Variants in TSHZ3 observed in about 807,000 individuals in gnomAD.
The protein encoded by TSHZ3 is teashirt zinc finger homeobox 3, also known as teashirt homolog 3.
Under a neutral mutation model 64.5 loss-of-function variants are expected in TSHZ3, and 10 were observed. That is an observed-to-expected ratio of 0.16 (90% CI 0.10 to 0.26). The LOEUF (loss-of-function observed/expected upper bound fraction) is 0.26. Among genes scored for constraint, TSHZ3 ranks in the 10% least tolerant of loss-of-function variants. The pLI, the probability that TSHZ3 is intolerant of heterozygous loss-of-function variation, is 1.00. For synonymous variants in TSHZ3, 608 were observed against 593.1 expected (o/e 1.03, Z -0.36); for missense variants, 1,242 against 1,421.7 (o/e 0.87, Z 2.03).
chr19:31,317,166 T>C (rs1240677400), intron 1 of TSHZ3, among the ~76,000 whole-genome samples: 1 of 152,162 alleles, frequency 6.6e-6, no homozygotes, highest in Non-Finnish European at 1.5e-5. Context: ...TTTTTCTTTT[T>C]ACCAGCCTCC....
intron 1 of TSHZ3, chr19:31,308,634 G>C (rs1441573566): frequency 4.3e-5 from 17 of 398,470 alleles, no homozygotes; most frequent in Non-Finnish European, 8.8e-6. Flanking sequence ...GTACACAGGG[G>C]TAGTGTGAAG....
At chr19:31,305,341 C>T (rs914567357) in intron 1 of TSHZ3, 4 of 150,760 alleles carry the variant, frequency 2.7e-5, no homozygotes, top group Admixed American at 6.6e-5. Flanking sequence ...AGCCGCGTGT[C>T]AGTTTCTTCT....
chr19:31,198,485 G>A (rs938768621), intron 5 of TSHZ3, among the ~76,000 whole-genome samples: 1 of 151,676 alleles, frequency 6.6e-6, no homozygotes, highest in African/African-American at 2.4e-5. Flanking sequence ...ATGGGAAGGA[G>A]GAAATGAAAT....
chr19:31,326,263 T>C (rs1916927599), intron 1 of TSHZ3, among the ~76,000 whole-genome samples: 1 of 152,228 alleles, frequency 6.6e-6, no homozygotes, highest in Non-Finnish European at 1.5e-5. Flanking sequence ...CTGGTATCGG[T>C]GCTTGCCCCT....
intron 1 of TSHZ3, chr19:31,305,483 C>T (rs1040594630): frequency 6.6e-6 from 1 of 152,226 alleles, no homozygotes. Context: ...GCACTAATTT[C>T]ATACCTTAGA....
intron 1 of TSHZ3, among the ~76,000 whole-genome samples, chr19:31,346,822 T>G (rs2021534690): frequency 6.6e-6 from 1 of 151,246 alleles, no homozygotes; most frequent in Non-Finnish European, 1.5e-5. Context: ...TGTGCATACT[T>G]ATCACCAGCC....
At chr19:31,202,121 G>A (rs918693679) in intron 5 of TSHZ3, among the ~76,000 whole-genome samples, 4 of 152,090 alleles carry the variant, frequency 2.6e-5, no homozygotes, top group South Asian at 4.1e-4. Context: ...AGCTGAGATC[G>A]TGCCATTGCA....
At chr19:31,334,548 G>A (rs964886078) in intron 1 of TSHZ3, among the ~76,000 whole-genome samples, 3 of 152,150 alleles carry the variant, frequency 2.0e-5, no homozygotes, top group African/African-American at 7.2e-5. Flanking sequence ...TCATCCTAAG[G>A]CTTCAGGCAA....
At chr19:31,340,878 C>G (rs368015134) in intron 1 of TSHZ3, among the ~76,000 whole-genome samples, 20 of 152,366 alleles carry the variant, frequency 1.3e-4, no homozygotes, top group African/African-American at 4.8e-4. Flanking sequence ...AAGCTGGCAG[C>G]AAGACCTGCC....
intron 5 of TSHZ3, among the ~76,000 whole-genome samples, chr19:31,179,399 T>G (rs1974663864): frequency 1.3e-5 from 2 of 152,228 alleles, no homozygotes; most frequent in Admixed American, 6.5e-5. Flanking sequence ...TCTCTTGTAG[T>G]GCTCCCAATT....
In TSHZ3 at chr19:31,279,260, T is replaced by A. The variant is rs1317731999; in HGVS notation, c.533A>T (p.Gln178Leu). Residue 178 changes from glutamine to leucine, a missense_variant, in exon 2 of 2, where the codon CAG (glutamine) becomes CTG (leucine). By Grantham distance (113) the Gln-to-Leu change is moderately radical. Transcript: ENST00000240587. This position sits in a 1 kb window ranked among gnomAD's most constrained non-coding sequence, Gnocchi z 6.4. ...HQSAMAKTLQ[Q>L]VSQSRMLPEP... is the part of the protein sequence containing the mutation. ...CGGGAGCATGCGGCTCTGTGACACC[T>A]GCTGCAGCGTCTTAGCCATGGCGCT... is the stretch of plus-strand genomic sequence containing the variant. The A allele has an allele frequency of 2.5e-6, 4 of 1,614,042 alleles. No individual in the cohort carries two copies. The highest frequency in any genetic ancestry group is 2.2e-5 in the South Asian group (2 of 91,088).
intron 1 of TSHZ3, among the ~76,000 whole-genome samples, chr19:31,246,719 A>G (rs1975761910): frequency 6.6e-6 from 1 of 152,220 alleles, no homozygotes; most frequent in Non-Finnish European, 1.5e-5. Flanking sequence ...GAACTCCAAT[A>G]GCAACGAGCA....
At chr19:31,190,960 T>G (rs1974895826) in intron 5 of TSHZ3, among the ~76,000 whole-genome samples, 1 of 152,042 alleles carries the variant, frequency 6.6e-6, no homozygotes, top group African/African-American at 2.4e-5. Context: ...AACAATGTGG[T>G]AGAAGGCCAG....
At chr19:31,226,503 G>T (rs111857817) in intron 4 of TSHZ3, among the ~76,000 whole-genome samples, 3,847 of 152,190 alleles carry the variant, frequency 0.025, 160 homozygotes, top group African/African-American at 0.088. Flanking sequence ...GGCCTCCCCA[G>T]CCACATGGAA....
intron 1 of TSHZ3, among the ~76,000 whole-genome samples, chr19:31,343,946 G>T (rs1472082450): frequency 6.6e-6 from 1 of 152,004 alleles, no homozygotes; most frequent in African/African-American, 2.4e-5. Context: ...CATGTATCGG[G>T]ACACTTTATC....
Position 31,279,245 on chromosome 19 carries a change from C to A in TSHZ3, c.548G>T (p.Arg183Leu), listed in dbSNP as rs750208331. ...GAAGAGGCTGGGCTCCGGGAGCATG[C>A]GGCTCTGTGACACCTGCTGCAGCGT... ...AKTLQQVSQS[R>L]MLPEPSLFST... is the part of the protein sequence containing the mutation. The change falls in exon 2 of 2, where the codon CGC becomes CTC. Residue 183 changes from arginine to leucine, a missense_variant. Physicochemically the swap from Arg to Leu is moderately radical, Grantham distance 102. Around this residue, in one of 4 missense-constraint regions of TSHZ3, gnomAD observed 555 missense variants for 704.0 expected, o/e 0.79. Transcript: ENST00000240587. This position sits in a 1 kb window ranked among gnomAD's most constrained non-coding sequence, Gnocchi z 6.4. The A allele has an allele frequency of 4.3e-6, 7 of 1,613,996 alleles. No individual in the cohort carries two copies. The highest frequency in any genetic ancestry group is 1.3e-5 in the African/African-American group (1 of 74,910).
intron 4 of TSHZ3, among the ~76,000 whole-genome samples, chr19:31,213,424 G>A (rs1975287669): frequency 7.3e-6 from 1 of 137,636 alleles, no homozygotes; most frequent in Non-Finnish European, 1.5e-5. Context: ...AGGGAAGGAT[G>A]AATAGGCAGA....
At chr19:31,232,488 T>C (rs1222582303) in intron 3 of TSHZ3, among the ~76,000 whole-genome samples, 1 of 152,198 alleles carries the variant, frequency 6.6e-6, no homozygotes, top group Non-Finnish European at 1.5e-5. Flanking sequence ...CACATGTGGC[T>C]TTCCAAGGCA....
At chr19:31,274,612 T>C (rs1449256581), downstream of TSHZ3, among the ~76,000 whole-genome samples, 1 of 152,102 alleles carries the variant, frequency 6.6e-6, no homozygotes, top group Non-Finnish European at 1.5e-5. Flanking sequence ...CAGACCCCCA[T>C]GCAGGTCACC....
Sources: gnomAD v4.1 joint callset for allele counts (sites outside exome capture counted in the v4.1 genomes callset) on GRCh38, gnomAD v4.1.1 for gene constraint, gnomAD v4.1.1 regional missense constraint, Gnocchi (gnomAD v3.1) non-coding constraint, MANE v1.5 for transcripts, NCBI Gene and HGNC (gene_info 2026-07-23, HGNC 2026-07-21) for gene names.